The following TANGO6 variants were observed in gnomAD, a reference collection of about 807,000 sequenced individuals.
TANGO6 encodes transport and Golgi organization protein 6 homolog.
A neutral mutation model predicts 114.2 loss-of-function variants in TANGO6; 90 were observed. That is an observed-to-expected ratio of 0.79 (90% CI 0.66 to 0.94). The LOEUF is 0.94. TANGO6 is among the 40% of genes least tolerant of loss of function. The pLI, the probability that TANGO6 is intolerant of heterozygous loss-of-function variation, is 0.00. For missense variants in TANGO6, 1,274 were observed against 1,315.3 expected, an observed-to-expected ratio of 0.97 and a Z score of 0.49; for synonymous variants, 477 against 509.8, an observed-to-expected ratio of 0.94 and a Z score of 0.87.
At chr16:69,049,166 C>A (rs2152236671) in intron 17 of TANGO6, among the ~76,000 whole-genome samples, 1 of 152,198 alleles carries the variant, frequency 6.6e-6, no homozygotes, top group East Asian at 1.9e-4. Flanking sequence ...TGGTGCAATG[C>A]TCATCAATAT....
intron 17 of TANGO6, among the ~76,000 whole-genome samples, chr16:69,043,181 G>A (rs567805579): frequency 3.8e-4 from 58 of 152,250 alleles, no homozygotes; most frequent in Middle Eastern, 3.4e-3. Flanking sequence ...AGCCAAGATC[G>A]CGCCACTGCA....
chr16:69,074,686 A>G (rs1424560942), intron 17 of TANGO6, among the ~76,000 whole-genome samples: 2 of 151,898 alleles, frequency 1.3e-5, no homozygotes, highest in Non-Finnish European at 2.9e-5. Flanking sequence ...CATTCCCTTA[A>G]CCATAAACAT....
intron 14 of TANGO6, among the ~76,000 whole-genome samples, chr16:68,972,657 C>A (rs1342268158): frequency 2.0e-5 from 3 of 151,970 alleles, no homozygotes; most frequent in Non-Finnish European, 2.9e-5. Context: ...CAGCAGGGAA[C>A]AAAAGAAAAT....
intron 14 of TANGO6, among the ~76,000 whole-genome samples, chr16:68,931,499 T>A (rs920982138): frequency 1.3e-5 from 2 of 152,302 alleles, no homozygotes; most frequent in East Asian, 3.9e-4. Flanking sequence ...TGGAAATAGC[T>A]CAAACAACCA....
chr16:68,957,252 CA>C (rs1425363020), intron 14 of TANGO6, among the ~76,000 whole-genome samples: 1 of 151,974 alleles, frequency 6.6e-6, no homozygotes, highest in Admixed American at 6.6e-5. Context: ...ATAATGTAGT[CA>C]TTATCACTAT....
chr16:69,040,358 A>G lies in TANGO6; in HGVS notation c.3045A>G (p.Val1015=). Residue 1015 remains valine (V), a synonymous_variant, in exon 17 of 18, where the codon GTA becomes GTG. Coordinates refer to ENST00000261778, the MANE Select transcript of TANGO6 (RefSeq NM_024562.2). Reference sequence around the variant, plus strand: ...CCAAAACAGATGGTGAAGTTCAAGTACGCAGAGCTGCCATACATGTGGTTG... The same window carrying G: ...CCAAAACAGATGGTGAAGTTCAAGTGCGCAGAGCTGCCATACATGTGGTTG... ...AVAKTDGEVQ[V]RRAAIHVVVL... 2 of 1,609,648 alleles carry G rather than the reference A, an allele frequency of 1.2e-6. No homozygotes were observed. Among genetic ancestry groups the G allele is most frequent in the Non-Finnish European group, 1.7e-6 (2 of 1,178,232 alleles).
At chr16:69,055,695 A>G (rs1024948070) in intron 17 of TANGO6, among the ~76,000 whole-genome samples, 3 of 152,182 alleles carry the variant, frequency 2.0e-5, no homozygotes, top group African/African-American at 7.2e-5. Context: ...AGATTTCCTC[A>G]ACAGTAACTT....
intron 14 of TANGO6, among the ~76,000 whole-genome samples, chr16:68,969,703 A>C (rs1022800933): frequency 1.1e-4 from 17 of 151,512 alleles, no homozygotes; most frequent in Non-Finnish European, 2.2e-4. Flanking sequence ...AAAAAAAAAA[A>C]TCTGAAAAAT....
intron 7 of TANGO6, among the ~76,000 whole-genome samples, chr16:68,898,242 C>T (rs1029724943): frequency 1.3e-5 from 2 of 152,064 alleles, no homozygotes; most frequent in African/African-American, 4.8e-5. Flanking sequence ...TTTAGCTGGG[C>T]TTATGGAGAT....
intron 15 of TANGO6, among the ~76,000 whole-genome samples, chr16:69,014,129 A>G (rs1959240641): frequency 6.6e-6 from 1 of 152,232 alleles, no homozygotes; most frequent in African/African-American, 2.4e-5. Flanking sequence ...GTGGCTTAAC[A>G]AAGAATGAAT....
rs1962869017 is a variant in TANGO6, at chr16:68,907,528, T to C, written c.1753T>C (p.Cys585Arg). 6.2e-7 allele frequency: 1 copy of C among 1,613,078 alleles called. No individual in the cohort carries two copies. Among genetic ancestry groups the C allele is most frequent in the South Asian group, 1.1e-5 (1 of 90,990 alleles). ...GCATCTCGGGGACTTGCTGTCCCACTGCCAGGAATGCGGTTTGGCAGGAGA... is the reference window on the plus strand; with the variant it reads ...GCATCTCGGGGACTTGCTGTCCCACCGCCAGGAATGCGGTTTGGCAGGAGA... ...VEHLGDLLSH[C>R]QECGLAGDFF... Residue 585 changes from cysteine to arginine, a missense_variant, in exon 10 of 18, where the codon TGC becomes CGC. Cys to Arg is a radical substitution (Grantham distance 180). Around this residue, in one of 5 missense-constraint regions of TANGO6, gnomAD observed 908 missense variants for 910.2 expected, o/e 1.00. Transcript: ENST00000261778.
At chr16:68,998,696 G>T (rs183690097) in intron 15 of TANGO6, among the ~76,000 whole-genome samples, 2 of 147,954 alleles carry the variant, frequency 1.4e-5, no homozygotes, top group African/African-American at 5.0e-5. Context: ...GCGCCACTGC[G>T]CTCCAGCCTG....
chr16:68,870,455 A>T (rs1010256465), intron 4 of TANGO6, among the ~76,000 whole-genome samples: 1 of 152,176 alleles, frequency 6.6e-6, no homozygotes, highest in African/African-American at 2.4e-5. Flanking sequence ...ACAAATGATC[A>T]GTTACCCATA....
At chr16:69,063,808 C>CTTCTTCTTCTTATTATTATTATTATTA (rs56983779) in intron 17 of TANGO6, among the ~76,000 whole-genome samples, 2 of 125,584 alleles carry the variant, frequency 1.6e-5, no homozygotes, top group African/African-American at 6.5e-5. Context: ...TCTTCTTCTT[C>CTTCTTCTTCTTATTATTATTATTATTA]TTATTATTAT....
At position 69,077,604 on chromosome 16, in the gene TANGO6, G is replaced by C. The variant is rs556745217; in HGVS notation, c.3109-5881G>C. 4.6e-5 allele frequency among the ~76,000 whole-genome samples: 7 copies of C among 152,234 alleles called. No homozygotes were observed. The East Asian group carries it at 1.4e-3, about 29-fold the overall frequency. On this transcript the variant is annotated intron_variant, in intron 17 of 17. Coordinates refer to ENST00000261778, the MANE Select transcript of TANGO6 (RefSeq NM_024562.2). ...AGCACTTTGGGAGGCTGAGATGGGT[G>C]GATCACTTCAGGTCAGGAGTTCAAG...
At chr16:68,875,604 TA>T (rs914130838) in intron 5 of TANGO6, among the ~76,000 whole-genome samples, 1 of 151,674 alleles carries the variant, frequency 6.6e-6, no homozygotes, top group African/African-American at 2.4e-5. Context: ...CCGTCTCTAC[TA>T]AAAAAAATAC....
chr16:68,898,261 G>A (rs1962734545), intron 7 of TANGO6, among the ~76,000 whole-genome samples: 1 of 152,172 alleles, frequency 6.6e-6, no homozygotes, highest in Admixed American at 6.5e-5. Context: ...ATTAGATCAT[G>A]CACAGGAAGC....
Position 68,867,061 on chromosome 16 carries a change from C to T in TANGO6, c.853-18C>T. 6.4e-7 allele frequency: 1 copy of T among 1,568,716 alleles called. No individual in the cohort carries two copies. Among genetic ancestry groups the T allele is most frequent in the Non-Finnish European group, 8.7e-7 (1 of 1,153,258 alleles). On this transcript the variant is annotated intron_variant, in intron 3 of 17. Coordinates refer to ENST00000261778, the MANE Select transcript of TANGO6 (RefSeq NM_024562.2). ...ATTTCAGTGACATTCAGAATTCACACCTTCTTCTTTTTCTCAGTCCTGCAC... is the reference window on the plus strand; with the variant it reads ...ATTTCAGTGACATTCAGAATTCACATCTTCTTCTTTTTCTCAGTCCTGCAC...
intron 14 of TANGO6, among the ~76,000 whole-genome samples, chr16:68,931,587 T>TA (rs1315125752): frequency 3.3e-5 from 5 of 152,334 alleles, no homozygotes; most frequent in Non-Finnish European, 5.9e-5. Flanking sequence ...GAAGGACTGA[T>TA]ACATGCCACA....
Sources: gnomAD v4.1 joint callset for allele counts (sites outside exome capture counted in the v4.1 genomes callset) on GRCh38, gnomAD v4.1.1 for gene constraint, gnomAD v4.1.1 regional missense constraint, MANE v1.5 for transcripts, NCBI Gene and HGNC (gene_info 2026-07-23, HGNC 2026-07-21) for gene names.